The following NPAS3 variants were observed in gnomAD, a reference collection of about 807,000 sequenced individuals.
The protein encoded by NPAS3 is neuronal PAS domain protein 3.
A neutral mutation model predicts 73.1 loss-of-function variants in NPAS3; 14 were observed. The observed-to-expected ratio is 0.19, with a 90% CI of 0.13 to 0.30. NPAS3 has a LOEUF of 0.30. Ranked by LOEUF, NPAS3 falls within the 10% of genes least tolerant of loss-of-function variation. The pLI, the probability that NPAS3 is intolerant of heterozygous loss-of-function variation, is 1.00. For missense variants in NPAS3, 1,096 were observed against 1,250.0 expected, an observed-to-expected ratio of 0.88 and a Z score of 1.86; for synonymous variants, 620 against 541.5, an observed-to-expected ratio of 1.14 and a Z score of -2.01.
chr14:33,173,391 A>G (rs934411339), intron 2 of NPAS3, among the ~76,000 whole-genome samples: 2 of 152,212 alleles, frequency 1.3e-5, no homozygotes, highest in African/African-American at 2.4e-5. Flanking sequence ...AAGGAGCTGG[A>G]AAATATCAAT....
At chr14:33,058,451 T>A (rs553395495) in intron 2 of NPAS3, among the ~76,000 whole-genome samples, 69 of 152,316 alleles carry the variant, frequency 4.5e-4, no homozygotes, top group African/African-American at 1.6e-3. Context: ...TTGGGCAAGT[T>A]ACTTAATCTC....
intron 3 of NPAS3, among the ~76,000 whole-genome samples, chr14:33,332,261 A>T (rs2044020164): frequency 1.3e-5 from 2 of 152,178 alleles, no homozygotes; most frequent in Non-Finnish European, 1.5e-5. Flanking sequence ...CTTAACTAAA[A>T]TAAGTTTGCC....
At chr14:33,615,473 A>C (rs547969696) in intron 5 of NPAS3, among the ~76,000 whole-genome samples, 6 of 152,274 alleles carry the variant, frequency 3.9e-5, no homozygotes, top group African/African-American at 1.4e-4. Context: ...GTACTGATTC[A>C]ATATTGAGAG....
intron 4 of NPAS3, among the ~76,000 whole-genome samples, chr14:33,554,188 G>A (rs994911358): frequency 2.6e-5 from 4 of 152,148 alleles, no homozygotes; most frequent in South Asian, 2.1e-4. Context: ...TTCTCACAGA[G>A]CCTCTCCTTA....
At chr14:33,580,248 A>T (rs1019790107) in intron 5 of NPAS3, among the ~76,000 whole-genome samples, 1 of 152,210 alleles carries the variant, frequency 6.6e-6, no homozygotes, top group African/African-American at 2.4e-5. Flanking sequence ...TCCTGGATGG[A>T]GAATTCAGAG....
chr14:33,450,232 T>G (rs1211242612), intron 4 of NPAS3, among the ~76,000 whole-genome samples: 1 of 152,234 alleles, frequency 6.6e-6, no homozygotes, highest in African/African-American at 2.4e-5. Flanking sequence ...GCATCTAACG[T>G]GATGTTTCTC....
At chr14:33,000,771 T>C (rs963240874) in intron 1 of NPAS3, among the ~76,000 whole-genome samples, 3 of 152,208 alleles carry the variant, frequency 2.0e-5, no homozygotes, top group Admixed American at 6.5e-5. Flanking sequence ...GGGAAAATTA[T>C]TGCAAGGACT....
At chr14:33,359,080 C>A (rs1167275085) in intron 3 of NPAS3, among the ~76,000 whole-genome samples, 1 of 151,994 alleles carries the variant, frequency 6.6e-6, no homozygotes, top group African/African-American at 2.4e-5. Context: ...GAGCATAATA[C>A]CAAGAAGTGA....
At chr14:33,667,148 C>CA (rs1306059293) in intron 5 of NPAS3, among the ~76,000 whole-genome samples, 4 of 152,100 alleles carry the variant, frequency 2.6e-5, no homozygotes, top group Non-Finnish European at 5.9e-5. Context: ...TATTTTTGTA[C>CA]AAAGTATTTA....
intron 3 of NPAS3, among the ~76,000 whole-genome samples, chr14:33,345,431 CA>C (rs1196143750): frequency 6.6e-6 from 1 of 152,156 alleles, no homozygotes. Flanking sequence ...TAATCCTAGA[CA>C]AAACTTTATT....
chr14:33,305,628 G>A (rs945925107), intron 3 of NPAS3, among the ~76,000 whole-genome samples: 1 of 152,038 alleles, frequency 6.6e-6, no homozygotes, highest in African/African-American at 2.4e-5. Context: ...TTGGTAATTG[G>A]AAATGAAGAC....
At chr14:33,566,970 T>C (rs2055982354) in intron 5 of NPAS3, among the ~76,000 whole-genome samples, 1 of 152,238 alleles carries the variant, frequency 6.6e-6, no homozygotes, top group South Asian at 2.1e-4. Context: ...ACAGGGCTTC[T>C]TCAGGACCGT....
chr14:33,496,617 A>G (rs2052206427), intron 4 of NPAS3, among the ~76,000 whole-genome samples: 1 of 152,192 alleles, frequency 6.6e-6, no homozygotes, highest in Admixed American at 6.6e-5. Flanking sequence ...TTATCTCAAT[A>G]GATGCAGAAA....
rs182918321 is a variant in NPAS3 at position 33,323,948 on chromosome 14, A to T, written c.386-43238A>T. 2.2e-3 allele frequency among the ~76,000 whole-genome samples: 334 copies of T among 152,330 alleles called. 1 individual carries two copies. The highest frequency in any genetic ancestry group is 7.6e-3 in the African/African-American group (318 of 41,584). On this transcript the variant is annotated intron_variant, in intron 3 of 11. Transcript: ENST00000356141. Reference sequence around the variant, plus strand: ...TCCCACTCTGTTTTTTGTAATTAAAACATCATTTATACTGAGAATAATTAA... The same window carrying T: ...TCCCACTCTGTTTTTTGTAATTAAATCATCATTTATACTGAGAATAATTAA...
chr14:33,360,099 A>G (rs1006826005), intron 3 of NPAS3, among the ~76,000 whole-genome samples: 2 of 152,184 alleles, frequency 1.3e-5, no homozygotes, highest in African/African-American at 2.4e-5. Context: ...TGCCTCGCCC[A>G]GTGGACTGGA....
chr14:33,392,605 G>A (rs1286754885), intron 4 of NPAS3, among the ~76,000 whole-genome samples: 2 of 152,126 alleles, frequency 1.3e-5, no homozygotes, highest in African/African-American at 2.4e-5. Flanking sequence ...TGAAATTAGT[G>A]CATCATTCTT....
chr14:33,142,830 G>A (rs183198097), intron 2 of NPAS3, among the ~76,000 whole-genome samples: 4 of 152,182 alleles, frequency 2.6e-5, no homozygotes, highest in African/African-American at 7.2e-5. Flanking sequence ...ACCACTTAGC[G>A]GTGGCTCACG....
intron 3 of NPAS3, among the ~76,000 whole-genome samples, chr14:33,360,856 C>T (rs2045566419): frequency 6.6e-6 from 1 of 152,176 alleles, no homozygotes; most frequent in African/African-American, 2.4e-5. Flanking sequence ...CGCCTCGGCC[C>T]AGGCTGTGGA....
At chr14:33,761,958 C>T (rs1471027669) in intron 7 of NPAS3, among the ~76,000 whole-genome samples, 1 of 152,182 alleles carries the variant, frequency 6.6e-6, no homozygotes, top group Non-Finnish European at 1.5e-5. Flanking sequence ...AGTTTTACTG[C>T]AGAAGGTCTG....
Sources: allele counts gnomAD v4.1 joint callset (sites outside exome capture counted in the v4.1 genomes callset), GRCh38; gene constraint gnomAD v4.1.1; transcripts MANE v1.5; gene names NCBI Gene and HGNC (gene_info 2026-07-23, HGNC 2026-07-21).